The following ITGA9 variants were observed in gnomAD, a reference collection of about 807,000 sequenced individuals.
ITGA9 encodes integrin alpha-9.
ITGA9 carries 56 observed loss-of-function variants against 127.8 expected under a neutral mutation model. The observed-to-expected ratio is 0.44, with a 90% confidence interval of 0.35 to 0.55. ITGA9 has a LOEUF of 0.55. ITGA9 is among the 20% of genes least tolerant of loss of function. ITGA9 has a pLI of 0.00. For missense variants in ITGA9, 1,196 were observed against 1,347.1 expected (o/e 0.89, Z 1.76); for synonymous variants, 508 against 514.5 (o/e 0.99, Z 0.17).
intron 27 of ITGA9, among the ~76,000 whole-genome samples, chr3:37,809,704 G>T (rs1697343977): frequency 6.6e-6 from 1 of 152,008 alleles, no homozygotes; most frequent in East Asian, 1.9e-4. Flanking sequence ...GGTTAAAAGG[G>T]CAATTGAAAT....
At chr3:37,719,247 T>G (rs548580069) in intron 18 of ITGA9, among the ~76,000 whole-genome samples, 7 of 151,994 alleles carry the variant, frequency 4.6e-5, no homozygotes, top group Non-Finnish European at 1.0e-4. Flanking sequence ...TACCAGTTCT[T>G]TAAGAAGAGT....
intron 17 of ITGA9, among the ~76,000 whole-genome samples, chr3:37,682,241 C>G (rs914449026): frequency 2.0e-5 from 3 of 152,240 alleles, no homozygotes; most frequent in Non-Finnish European, 4.4e-5. Flanking sequence ...TCCTACATCT[C>G]TGAAACTCTC....
chr3:37,571,679 T>A (rs568486539), intron 15 of ITGA9, among the ~76,000 whole-genome samples: 1 of 152,270 alleles, frequency 6.6e-6, no homozygotes, highest in Non-Finnish European at 1.5e-5. Flanking sequence ...CTGCTGGTCC[T>A]GGGACCACAC....
At position 37,567,430 on chromosome 3, in the gene ITGA9, G is replaced by A. The variant is rs369150555; in HGVS notation, c.1689+24845G>A. ...CAGCCAAGCCATATCATTCCGCCCC[G>A]GCCCCTTCCAAATATCATCTCATCA... On this transcript the variant is annotated intron_variant, in intron 15 of 27. Coordinates refer to ENST00000264741, the MANE Select transcript of ITGA9 (RefSeq NM_002207.3). Among the ~76,000 whole-genome samples, 44 of 152,092 alleles carry A rather than the reference G, an allele frequency of 2.9e-4. 1 individual carries two copies. The South Asian group carries it at 5.2e-3, about 18-fold the overall frequency.
chr3:37,747,891 G>C (rs2364658), intron 22 of ITGA9, among the ~76,000 whole-genome samples: 69,588 of 151,708 alleles, frequency 0.46, 18,896 homozygotes, highest in South Asian at 0.63. Flanking sequence ...ACCACGCCTA[G>C]CTAATTTTTT....
In ITGA9 at chr3:37,561,847, G is replaced by A. The variant is rs573367987; in HGVS notation, c.1689+19262G>A. Among the ~76,000 whole-genome samples the A allele has an allele frequency of 5.9e-5, 9 of 152,264 alleles. No individual in the cohort carries two copies. In the South Asian group the frequency reaches 1.0e-3, roughly 18 times the overall value. ...GCACAGGCTCGAGTACAAGCCTTCC[G>A]GGGACTCATCTCTCAGCCCTGTTAT... is the stretch of plus-strand genomic sequence containing the variant. On this transcript the variant is annotated intron_variant, in intron 15 of 27. Coordinates refer to ENST00000264741, the MANE Select transcript of ITGA9 (RefSeq NM_002207.3).
At chr3:37,569,661 T>G (rs1032309020) in intron 15 of ITGA9, among the ~76,000 whole-genome samples, 8 of 152,176 alleles carry the variant, frequency 5.3e-5, no homozygotes, top group Non-Finnish European at 1.2e-4. Flanking sequence ...TGTCCCAAAA[T>G]CTGAAACTTT....
At chr3:37,691,512 C>T (rs750027096) in intron 18 of ITGA9, among the ~76,000 whole-genome samples, 1 of 152,154 alleles carries the variant, frequency 6.6e-6, no homozygotes, top group African/African-American at 2.4e-5. Flanking sequence ...GCCCAGCACA[C>T]TCTATTTTCT....
intron 18 of ITGA9, among the ~76,000 whole-genome samples, chr3:37,706,676 C>A (rs1559573845): frequency 6.6e-6 from 1 of 152,088 alleles, no homozygotes; most frequent in Non-Finnish European, 1.5e-5. Context: ...GTTTGGGTGC[C>A]CTCAGAATGC....
intron 13 of ITGA9, among the ~76,000 whole-genome samples, chr3:37,527,590 T>C (rs541183084): frequency 6.6e-6 from 1 of 152,036 alleles, no homozygotes; most frequent in East Asian, 1.9e-4. Flanking sequence ...TTATCAGCGC[T>C]TCCTCTGGAT....
Position 37,819,139 on chromosome 3 carries a change from C to T in ITGA9, c.*150C>T, listed in dbSNP as rs6789484. ...TCATTCTATCAAGCCCAGGTGCCAG[C>T]CTGAGGCAGCCACTTCGGCCAGGTC... On this transcript the variant is annotated 3_prime_UTR_variant, in exon 28 of 28. Transcript: ENST00000264741. 2,507 of 695,132 alleles carry T rather than the reference C, an allele frequency of 3.6e-3. 55 individuals carry two copies. In the African/African-American group the frequency reaches 0.04, roughly 11 times the overall value. The allele number at this position is 695,132 out of a possible 1,614,324, so 43.1% of individuals were successfully genotyped here.
intron 15 of ITGA9, among the ~76,000 whole-genome samples, chr3:37,574,516 A>G (rs945836968): frequency 6.6e-6 from 1 of 152,218 alleles, no homozygotes; most frequent in Non-Finnish European, 1.5e-5. Context: ...TGTTACATTA[A>G]GATCCAATCT....
chr3:37,621,438 G>A (rs1306312731), intron 15 of ITGA9, among the ~76,000 whole-genome samples: 3 of 152,124 alleles, frequency 2.0e-5, no homozygotes, highest in African/African-American at 7.2e-5. Flanking sequence ...CCTGGATGCC[G>A]GTACCTGGCC....
chr3:37,700,744 A>G (rs1402649520), intron 18 of ITGA9, among the ~76,000 whole-genome samples: 1 of 152,218 alleles, frequency 6.6e-6, no homozygotes, highest in Non-Finnish European at 1.5e-5. Flanking sequence ...AAACTAATGG[A>G]TGGTGGGCAA....
chr3:37,821,680 G>A lies in ITGA9; in HGVS notation c.*2691G>A, dbSNP rs577712676. ...TCTGCCCACCAGCAAAGCCCCACTG[G>A]AGAAGGGTAGACTCCTGTGGGCAGT... On this transcript the variant is annotated 3_prime_UTR_variant, in exon 28 of 28. Transcript: ENST00000264741. 1 of 152,114 alleles carries A rather than the reference G, an allele frequency of 6.6e-6. No homozygotes were observed. The highest frequency in any genetic ancestry group is 2.4e-5 in the African/African-American group (1 of 41,510). The allele number at this position is 152,114 out of a possible 1,614,324, so 9.4% of individuals were successfully genotyped here.
intron 26 of ITGA9, among the ~76,000 whole-genome samples, chr3:37,786,218 T>A (rs1390914941): frequency 6.6e-6 from 1 of 152,106 alleles, no homozygotes; most frequent in Non-Finnish European, 1.5e-5. Context: ...AAGTGATAAG[T>A]TTATAATGAT....
chr3:37,744,170 T>G (rs2125534561), intron 22 of ITGA9, 136 bp downstream of exon 22: 1 of 722,648 alleles, frequency 1.4e-6, no homozygotes. Context: ...GTGTGAGATC[T>G]GTAACCACAC....
chr3:37,677,021 G>C (rs1700688622), intron 17 of ITGA9, among the ~76,000 whole-genome samples: 1 of 152,176 alleles, frequency 6.6e-6, no homozygotes, highest in South Asian at 2.1e-4. Context: ...GAAGCTTCAT[G>C]TAATAACTTC....
chr3:37,484,114 G>T (rs1323151747), intron 4 of ITGA9, among the ~76,000 whole-genome samples: 3 of 152,196 alleles, frequency 2.0e-5, no homozygotes, highest in African/African-American at 7.2e-5. Context: ...TTATGCCCCT[G>T]CCCAATCTTC....
Sources: allele counts gnomAD v4.1 joint callset (sites outside exome capture counted in the v4.1 genomes callset), GRCh38; gene constraint gnomAD v4.1.1; transcripts MANE v1.5; gene names NCBI Gene and HGNC (gene_info 2026-07-23, HGNC 2026-07-21).